The following GLI3 variants were observed in gnomAD, a reference collection of about 807,000 sequenced individuals.
The protein encoded by GLI3 is transcription activator GLI3.
In GLI3, 20 loss-of-function variants were observed where a neutral mutation model predicts 100.8. The observed-to-expected ratio is 0.20, with a 90% CI of 0.14 to 0.29. The LOEUF (loss-of-function observed/expected upper bound fraction) is 0.29, where lower values mean the gene tolerates loss of function less well. Ranked by LOEUF, GLI3 falls within the 10% of genes least tolerant of loss-of-function variation. The pLI is 1.00. For missense variants in GLI3, 2,040 were observed against 2,128.5 expected, an observed-to-expected ratio of 0.96 and a Z score of 0.82; for synonymous variants, 938 against 860.5, an observed-to-expected ratio of 1.09 and a Z score of -1.58.
At chr7:42,124,477 T>C (rs1432107164) in intron 3 of GLI3, among the ~76,000 whole-genome samples, 2 of 152,180 alleles carry the variant, frequency 1.3e-5, no homozygotes, top group African/African-American at 2.4e-5. Flanking sequence ...TGCAGTCAGT[T>C]GGATGTGAAT....
At chr7:42,160,293 G>T (rs1443409705) in intron 2 of GLI3, among the ~76,000 whole-genome samples, 2 of 152,170 alleles carry the variant, frequency 1.3e-5, no homozygotes, top group South Asian at 2.1e-4. Context: ...GGATGTCCAG[G>T]TTGAATATCC....
rs115137047 is a variant in GLI3 at position 42,148,313 on chromosome 7, G to A, written c.280C>T (p.Leu94=). 3.7e-4 allele frequency: 599 copies of A among 1,613,584 alleles called. 4 individuals carry two copies. In the African/African-American group the frequency reaches 7.0e-3, roughly 19 times the overall value. Residue 94 remains leucine (L), a synonymous_variant, in exon 3 of 15, where the codon CTG becomes TTG. Coordinates refer to ENST00000395925, the MANE Select transcript of GLI3 (RefSeq NM_000168.6). ...ACAGAGGGCTCCGCCACGTGTGGCA[G>A]GGACCCATGGATCTCTTTCTTGATC... ...SLIKKEIHGS[L]PHVAEPSVPY... is the part of the protein sequence containing the mutation.
Position 42,013,184 on chromosome 7 carries a change from CACTTAGAAAT to C in GLI3, c.1497+10274_1497+10283del, listed in dbSNP as rs1408530099. ...ACTACATCCCATTCATCTGAATCAC[CACTTAGAAAT>C]AAAATGTGGTTGACCTACCTGTCTA... On this transcript the variant is annotated intron_variant, in intron 10 of 14. Transcript: ENST00000395925. 3.9e-5 allele frequency among the ~76,000 whole-genome samples: 6 copies of C among 152,276 alleles called. No individual in the cohort carries two copies. In the East Asian group the frequency reaches 9.7e-4, roughly 24 times the overall value.
At chr7:42,142,845 A>G (rs1399553500) in intron 3 of GLI3, among the ~76,000 whole-genome samples, 1 of 149,280 alleles carries the variant, frequency 6.7e-6, no homozygotes, top group Non-Finnish European at 1.5e-5. Flanking sequence ...AGGCTGAGGC[A>G]GGAGAATGAC....
At chr7:42,203,969 A>G (rs940518074) in intron 2 of GLI3, among the ~76,000 whole-genome samples, 5 of 152,164 alleles carry the variant, frequency 3.3e-5, no homozygotes, top group African/African-American at 4.8e-5. Flanking sequence ...ACCGCACTCC[A>G]GCCTGGGGTG....
intron 3 of GLI3, among the ~76,000 whole-genome samples, chr7:42,129,759 G>A (rs145298001): frequency 0.011 from 1,744 of 152,076 alleles, 28 homozygotes; most frequent in African/African-American, 0.039. Context: ...GCATTGAGCC[G>A]AGATCGCGCC....
chr7:42,048,962 A>C (rs953532519), intron 4 of GLI3, among the ~76,000 whole-genome samples: 1 of 152,184 alleles, frequency 6.6e-6, no homozygotes, highest in Non-Finnish European at 1.5e-5. Context: ...AATAAAGGTC[A>C]ACCTATGGCT....
Position 42,026,411 on chromosome 7 carries a change from G to A in GLI3, c.1030C>T (p.Pro344Ser), listed in dbSNP as rs779563132. The A allele has an allele frequency of 6.2e-7, 1 of 1,612,982 alleles. No individual in the cohort carries two copies. Among genetic ancestry groups the A allele is most frequent in the East Asian group, 2.2e-5 (1 of 44,866 alleles). Reference sequence around the variant, plus strand: ...GAAGAGTAGGTGAAGCTCAAGGCAGGGCTGCACGGGGGAGATAAAAAAAGA... The same window carrying A: ...GAAGAGTAGGTGAAGCTCAAGGCAGAGCTGCACGGGGGAGATAAAAAAAGA... The part of the protein sequence containing the change: ...YGHLSASAIS[P>S]ALSFTYSSAP... The change falls in exon 8 of 15, where the codon CCT becomes TCT. Residue 344 changes from proline (P) to serine (S), a missense_variant and splice_region_variant. This residue lies in a region of GLI3 where 603 missense variants were observed against 690.9 expected (regional missense o/e 0.87). Transcript: ENST00000395925.
intron 3 of GLI3, among the ~76,000 whole-genome samples, chr7:42,106,388 C>T (rs1785575839): frequency 6.6e-6 from 1 of 152,212 alleles, no homozygotes; most frequent in Admixed American, 6.5e-5. Context: ...CTGCAAGGTG[C>T]TCCTAATCTC....
At chr7:42,055,866 C>T (rs556358991) in intron 4 of GLI3, among the ~76,000 whole-genome samples, 1 of 152,304 alleles carries the variant, frequency 6.6e-6, no homozygotes, top group South Asian at 2.1e-4. Flanking sequence ...ATTGGATATA[C>T]ATTTGATATC....
chr7:42,163,750 A>G (rs1452868750), intron 2 of GLI3, among the ~76,000 whole-genome samples: 1 of 151,894 alleles, frequency 6.6e-6, no homozygotes, highest in South Asian at 2.1e-4. Context: ...TCTATTTTTT[A>G]CACATCACAA....
At chr7:42,077,554 T>A (rs1356693764) in intron 3 of GLI3, among the ~76,000 whole-genome samples, 1 of 151,822 alleles carries the variant, frequency 6.6e-6, no homozygotes, top group Non-Finnish European at 1.5e-5. Flanking sequence ...AGGGAATTCC[T>A]CCCAAGGTAG....
chr7:42,207,995 T>TA (rs1234253924), intron 2 of GLI3, among the ~76,000 whole-genome samples: 1 of 151,952 alleles, frequency 6.6e-6, no homozygotes, highest in Non-Finnish European at 1.5e-5. Context: ...CCGTCTCTAC[T>TA]AAAAAATACA....
At chr7:41,986,064 T>C (rs1365576144) in intron 10 of GLI3, among the ~76,000 whole-genome samples, 1 of 152,174 alleles carries the variant, frequency 6.6e-6, no homozygotes, top group Non-Finnish European at 1.5e-5. Context: ...GACATAACTA[T>C]AAAATTATAC....
At chr7:42,248,132 T>C (rs1426619101) in intron 1 of GLI3, among the ~76,000 whole-genome samples, 1 of 152,244 alleles carries the variant, frequency 6.6e-6, no homozygotes, top group African/African-American at 2.4e-5. Flanking sequence ...GCAGCATACC[T>C]TCGAGTCCTT....
At chr7:42,187,789 G>T (rs1787747416) in intron 2 of GLI3, among the ~76,000 whole-genome samples, 1 of 151,898 alleles carries the variant, frequency 6.6e-6, no homozygotes, top group Non-Finnish European at 1.5e-5. Flanking sequence ...TGGATCACAA[G>T]GTCAGGAGAT....
At chr7:42,212,662 G>A (rs1788293611) in intron 2 of GLI3, among the ~76,000 whole-genome samples, 1 of 152,206 alleles carries the variant, frequency 6.6e-6, no homozygotes, top group Non-Finnish European at 1.5e-5. Flanking sequence ...AAATTATAAG[G>A]AAAGGCCGAG....
At chr7:42,151,413 C>T (rs1786857064) in intron 2 of GLI3, 1 of 152,166 alleles carries the variant, frequency 6.6e-6, no homozygotes, top group Non-Finnish European at 1.5e-5. Flanking sequence ...AGCCAAAAGA[C>T]GAAAGCTGTC....
At chr7:42,162,148 T>C (rs902474988) in intron 2 of GLI3, among the ~76,000 whole-genome samples, 2 of 152,202 alleles carry the variant, frequency 1.3e-5, no homozygotes, top group African/African-American at 4.8e-5. Context: ...AATGTAAACA[T>C]TAGGTAAAGG....
Sources: gnomAD v4.1 joint callset for allele counts (sites outside exome capture counted in the v4.1 genomes callset) on GRCh38, gnomAD v4.1.1 for gene constraint, gnomAD v4.1.1 regional missense constraint, MANE v1.5 for transcripts, NCBI Gene and HGNC (gene_info 2026-07-23, HGNC 2026-07-21) for gene names.